Variants in PEPD observed in about 807,000 individuals in gnomAD.
The protein encoded by PEPD is xaa-Pro dipeptidase.
Under a neutral mutation model 60.7 loss-of-function variants are expected in PEPD, and 53 were observed. The ratio of observed to expected loss-of-function variants is 0.87; its 90% CI spans 0.70 to 1.10. The LOEUF (loss-of-function observed/expected upper bound fraction) is 1.10. Among genes scored for constraint, PEPD ranks in the 50% least tolerant of loss-of-function variants. The pLI is 0.00. For missense variants in PEPD, 711 were observed against 711.9 expected (o/e 1.00, Z 0.01); for synonymous variants, 267 against 284.1 (o/e 0.94, Z 0.60).
intron 9 of PEPD, among the ~76,000 whole-genome samples, chr19:33,436,563 GAGA>G (rs918992281): frequency 3.3e-5 from 5 of 152,222 alleles, no homozygotes; most frequent in South Asian, 4.1e-4. Flanking sequence ...GAGGGGCTGG[GAGA>G]AGAAGATGTT....
At chr19:33,397,999 C>T (rs895026220) in intron 12 of PEPD, among the ~76,000 whole-genome samples, 7 of 152,322 alleles carry the variant, frequency 4.6e-5, no homozygotes, top group East Asian at 1.9e-4. Context: ...CTGCCCAGGC[C>T]GCAGCAGGCT....
At chr19:33,397,965 A>G (rs1451734200) in intron 12 of PEPD, among the ~76,000 whole-genome samples, 3 of 152,180 alleles carry the variant, frequency 2.0e-5, no homozygotes, top group Non-Finnish European at 2.9e-5. Flanking sequence ...CCAGGATGCC[A>G]GCTGTGGAGA....
intron 1 of PEPD, among the ~76,000 whole-genome samples, chr19:33,513,663 T>G (rs1189121914): frequency 6.6e-6 from 1 of 151,944 alleles, no homozygotes; most frequent in Non-Finnish European, 1.5e-5. Context: ...CAGCACACAC[T>G]CCCTGCCCAA....
At chr19:33,491,078 T>C (rs1292035714) in intron 5 of PEPD, among the ~76,000 whole-genome samples, 1 of 152,128 alleles carries the variant, frequency 6.6e-6, no homozygotes, top group Non-Finnish European at 1.5e-5. Context: ...TCACATAAGT[T>C]TCCCTTATAG....
chr19:33,466,038 T>G (rs2145276986), intron 7 of PEPD, among the ~76,000 whole-genome samples: 1 of 152,220 alleles, frequency 6.6e-6, no homozygotes, highest in African/African-American at 2.4e-5. Flanking sequence ...AATCCAAAAG[T>G]ATAATTAGAC....
intron 5 of PEPD, among the ~76,000 whole-genome samples, chr19:33,491,391 G>A (rs147801809): frequency 2.0e-3 from 304 of 152,230 alleles, no homozygotes; most frequent in African/African-American, 6.8e-3. Context: ...TGGAGGCTGC[G>A]GTGAGCCAAG....
intron 9 of PEPD, among the ~76,000 whole-genome samples, chr19:33,449,852 G>A (rs996529244): frequency 6.6e-6 from 1 of 152,180 alleles, no homozygotes; most frequent in South Asian, 2.1e-4. Context: ...AATGAAATCT[G>A]TCCGGGGTGA....
At position 33,387,249 on chromosome 19, in the gene PEPD, G is replaced by GC; in HGVS notation, c.*94_*95insG. The GC allele has an allele frequency of 6.2e-6, 9 of 1,441,108 alleles. No individual in the cohort carries two copies. The highest frequency in any genetic ancestry group is 8.7e-6 in the Non-Finnish European group (9 of 1,036,184). The allele number at this position is 1,441,108 out of a possible 1,614,324, so 89.3% of individuals were successfully genotyped here. A position where few individuals can be genotyped will look rare whatever the true frequency, so the allele number is the denominator to read the frequency against. ...AAGCTGGGATCTGATTCTGGGTGCC[G>GC]TCTCTCGCTACTGGAGTGCTGACCA... On this transcript the variant is annotated 3_prime_UTR_variant, in exon 15 of 15. Coordinates refer to ENST00000244137, the MANE Select transcript of PEPD (RefSeq NM_000285.4).
At chr19:33,397,910 C>G (rs1968404257) in intron 12 of PEPD, among the ~76,000 whole-genome samples, 1 of 152,216 alleles carries the variant, frequency 6.6e-6, no homozygotes, top group African/African-American at 2.4e-5. Context: ...GGTCTGGCCA[C>G]TTTCTGGACA....
chr19:33,415,878 G>A (rs1162546189), intron 9 of PEPD, among the ~76,000 whole-genome samples: 1 of 152,244 alleles, frequency 6.6e-6, no homozygotes, highest in Non-Finnish European at 1.5e-5. Flanking sequence ...CTTCACAGTG[G>A]ACTTCAGTCC....
At chr19:33,454,250 C>T (rs963560854) in intron 9 of PEPD, among the ~76,000 whole-genome samples, 1 of 152,144 alleles carries the variant, frequency 6.6e-6, no homozygotes. Flanking sequence ...AGGATTTGAG[C>T]ATCACAGAAT....
Position 33,388,075 on chromosome 19 carries a change from C to T in PEPD, c.1159G>A (p.Glu387Lys), listed in dbSNP as rs910683631. ...HDVGGYPEGV[E>K]RIDEPGLRSL... is the part of the protein sequence containing the mutation. ...CGCAGGCCGGGCTCGTCGATGCGCTCCACGCCCTGTGGGGAACAGAGGTGA... is the reference window on the plus strand; with the variant it reads ...CGCAGGCCGGGCTCGTCGATGCGCTTCACGCCCTGTGGGGAACAGAGGTGA... Residue 387 changes from glutamate to lysine, a missense_variant, in exon 14 of 15, where the codon GAG becomes AAG. Physicochemically the swap from Glu to Lys is moderately conservative, Grantham distance 56. Transcript: ENST00000244137. 7.8e-6 allele frequency: 12 copies of T among 1,547,778 alleles called. No individual in the cohort carries two copies. The highest frequency in any genetic ancestry group is 1.0e-5 in the Non-Finnish European group (12 of 1,147,468).
chr19:33,397,593 T>G (rs1476149100), intron 12 of PEPD, among the ~76,000 whole-genome samples: 1 of 148,380 alleles, frequency 6.7e-6, no homozygotes, highest in African/African-American at 2.5e-5. Context: ...CACAGCTCAG[T>G]GTGGGTGGTA....
intron 9 of PEPD, among the ~76,000 whole-genome samples, chr19:33,429,258 A>T (rs1313960057): frequency 3.3e-5 from 5 of 149,728 alleles, no homozygotes; most frequent in Admixed American, 2.6e-4. Context: ...TTACCGTGCT[A>T]AGCCACCGAG....
intron 9 of PEPD, among the ~76,000 whole-genome samples, chr19:33,441,240 G>A (rs540203992): frequency 5.3e-5 from 8 of 152,274 alleles, no homozygotes; most frequent in Admixed American, 4.6e-4. Flanking sequence ...TCAGAAACAC[G>A]CCCTGGCATT....
chr19:33,476,799 G>T (rs1019704348), intron 7 of PEPD, among the ~76,000 whole-genome samples: 9 of 152,050 alleles, frequency 5.9e-5, no homozygotes, highest in African/African-American at 2.2e-4. Context: ...TAAGAGCTGG[G>T]ACTACAGGTG....
At chr19:33,387,596 G>T in intron 14 of PEPD, 115 bp from the exon 15 acceptor site, 1 of 1,380,314 alleles carries the variant, frequency 7.2e-7, no homozygotes, top group Non-Finnish European at 1.0e-6. Flanking sequence ...GACACTCCCT[G>T]GGAGACGGGT....
chr19:33,428,435 G>C (rs369366867), intron 9 of PEPD, among the ~76,000 whole-genome samples: 1 of 152,060 alleles, frequency 6.6e-6, no homozygotes, highest in Non-Finnish European at 1.5e-5. Context: ...TCTTTAACAG[G>C]TCCCCTCCTG....
At chr19:33,470,171 C>A (rs531356889) in intron 7 of PEPD, among the ~76,000 whole-genome samples, 5 of 152,162 alleles carry the variant, frequency 3.3e-5, no homozygotes, top group Admixed American at 1.3e-4. Context: ...CAGGCCCCCC[C>A]ATTTCTCTCT....
Sources: allele counts gnomAD v4.1 joint callset (sites outside exome capture counted in the v4.1 genomes callset), GRCh38; gene constraint gnomAD v4.1.1; transcripts MANE v1.5; gene names NCBI Gene and HGNC (gene_info 2026-07-23, HGNC 2026-07-21).